The following IL20RA variants were observed in gnomAD, a reference collection of about 807,000 sequenced individuals.
The protein encoded by IL20RA is interleukin-20 receptor subunit alpha.
A neutral mutation model predicts 36.5 loss-of-function variants in IL20RA; 29 were observed. That is an observed-to-expected ratio of 0.79 (90% confidence interval 0.59 to 1.08). The LOEUF (loss-of-function observed/expected upper bound fraction) is 1.08, where lower values mean the gene tolerates loss of function less well. Among genes scored for constraint, IL20RA ranks in the 50% least tolerant of loss-of-function variants. The pLI is 0.00. For synonymous variants in IL20RA, 279 were observed against 267.1 expected, an observed-to-expected ratio of 1.04 and a Z score of -0.43; for missense variants, 652 against 668.4, an observed-to-expected ratio of 0.98 and a Z score of 0.27.
Position 137,001,357 on chromosome 6 carries a change from G to A in IL20RA, c.*201C>T. 2.2e-6 allele frequency: 1 copy of A among 461,178 alleles called. No homozygotes were observed. The highest frequency in any genetic ancestry group is 3.8e-6 in the Non-Finnish European group (1 of 265,126). 28.6% of individuals were successfully genotyped at this position (461,178 alleles called of 1,614,324 possible). ...AACCGGCCAGCCCCTGGACTCCAGA[G>A]GCCCACCATCATTGTTAAGAGACCT... On this transcript the variant is annotated 3_prime_UTR_variant, in exon 7 of 7. Transcript: ENST00000316649.
intron 1 of IL20RA, among the ~76,000 whole-genome samples, chr6:137,027,439 A>G (rs888047570): frequency 2.0e-5 from 3 of 152,006 alleles, no homozygotes; most frequent in Middle Eastern, 3.2e-3. Context: ...CCCTAACCCA[A>G]TGGTTGCTAG....
chr6:137,009,651 G>A (rs1775410188), intron 3 of IL20RA, among the ~76,000 whole-genome samples, 159 bp from the exon 4 acceptor site: 2 of 137,330 alleles, frequency 1.5e-5, no homozygotes, highest in African/African-American at 5.8e-5. Flanking sequence ...CCTCGCCTAG[G>A]CTGGAGTGCA....
chr6:137,010,722 CAAG>C (rs1176300573), intron 3 of IL20RA, among the ~76,000 whole-genome samples: 1 of 152,168 alleles, frequency 6.6e-6, no homozygotes, highest in East Asian at 1.9e-4. Flanking sequence ...CAAGTTCATA[CAAG>C]AAGAAGCATA....
chr6:137,037,118 G>C (rs145963223), intron 1 of IL20RA, among the ~76,000 whole-genome samples: 2 of 152,286 alleles, frequency 1.3e-5, no homozygotes, highest in East Asian at 1.9e-4. Flanking sequence ...GGGGTGAAAA[G>C]TATACATGGT....
intron 1 of IL20RA, among the ~76,000 whole-genome samples, chr6:137,025,730 G>T (rs1776062679): frequency 6.6e-6 from 1 of 152,200 alleles, no homozygotes; most frequent in African/African-American, 2.4e-5. Context: ...ATAGCAAAAT[G>T]GTTTGTGACC....
At chr6:137,036,269 C>T (rs1776490836) in intron 1 of IL20RA, among the ~76,000 whole-genome samples, 1 of 152,166 alleles carries the variant, frequency 6.6e-6, no homozygotes, top group South Asian at 2.1e-4. Context: ...AGATGCCAAG[C>T]CCATGGATCC....
At chr6:137,035,143 A>C (rs895889846) in intron 1 of IL20RA, among the ~76,000 whole-genome samples, 1 of 152,154 alleles carries the variant, frequency 6.6e-6, no homozygotes, top group African/African-American at 2.4e-5. Context: ...ATTGAATTAT[A>C]AATATTTTAT....
At position 137,044,662 on chromosome 6, in the gene IL20RA, C is replaced by G; in HGVS notation, c.67G>C (p.Ala23Pro). 9.0e-6 allele frequency: 11 copies of G among 1,224,432 alleles called. No homozygotes were observed. The highest frequency in any genetic ancestry group is 1.1e-5 in the Non-Finnish European group (11 of 982,964). 75.8% of individuals were successfully genotyped at this position (1,224,432 alleles called of 1,614,324 possible). A position where few individuals can be genotyped will look rare whatever the true frequency, so the allele number is the denominator to read the frequency against. ...PLPPLLLLLL[A>P]APWGRAVPCV... ...CTACCTGCCCGTCCCCAAGGCGCCG[C>G]CAGGAGCAACAGCAGCAGCGGCGGC... Residue 23 changes from alanine to proline, a missense_variant, in exon 1 of 7, where the codon GCG (alanine) becomes CCG (proline). Physicochemically the swap from Ala to Pro is conservative, Grantham distance 27. Transcript: ENST00000316649.
intron 1 of IL20RA, among the ~76,000 whole-genome samples, chr6:137,022,067 T>G (rs377533278): frequency 6.6e-6 from 1 of 152,098 alleles, no homozygotes; most frequent in East Asian, 1.9e-4. Flanking sequence ...GTAAACCAAG[T>G]AGAATTTAAG....
chr6:137,044,629 C>A lies in IL20RA; in HGVS notation c.88+12G>T, dbSNP rs1776834412. Reference sequence around the variant, plus strand: ...CATCCCCGACCCGCACCTGGCGGCGCGACCCACCTACCTGCCCGTCCCCAA... The same window carrying A: ...CATCCCCGACCCGCACCTGGCGGCGAGACCCACCTACCTGCCCGTCCCCAA... On this transcript the variant is annotated intron_variant, in intron 1 of 6. Transcript: ENST00000316649. 2 of 1,221,582 alleles carry A rather than the reference C, an allele frequency of 1.6e-6. No individual in the cohort carries two copies. The highest frequency in any genetic ancestry group is 6.5e-5 in the East Asian group (2 of 30,868). The allele number at this position is 1,221,582 out of a possible 1,614,324, so 75.7% of individuals were successfully genotyped here.
At chr6:137,008,490 C>G (rs1467217891) in intron 5 of IL20RA, 109 bp downstream of exon 5, 2 of 1,187,616 alleles carry the variant, frequency 1.7e-6, no homozygotes, top group Non-Finnish European at 2.3e-6. Context: ...TTTGCCTCAA[C>G]CTGTTTCTGT....
In IL20RA at chr6:137,008,685, A is replaced by C; in HGVS notation, c.638T>G (p.Leu213Arg). 6.2e-7 allele frequency: 1 copy of C among 1,608,498 alleles called. No individual in the cohort carries two copies. Among genetic ancestry groups the C allele is most frequent in the Non-Finnish European group, 8.5e-7 (1 of 1,177,496 alleles). ...LVLTWLEPNT[L>R]YCVHVESFVP... ...GAAGGACTCCACGTGTACGCAGTAA[A>C]GAGTGTTCGGCTCCAGCCAGGTGAG... is the stretch of plus-strand genomic sequence containing the variant. Residue 213 changes from leucine (L) to arginine (R), a missense_variant, in exon 5 of 7, where the codon CTT (leucine) becomes CGT (arginine). Transcript: ENST00000316649.
chr6:137,007,421 G>A (rs997812471), intron 5 of IL20RA, among the ~76,000 whole-genome samples: 2 of 152,234 alleles, frequency 1.3e-5, no homozygotes, highest in African/African-American at 4.8e-5. Context: ...AGGGGTTATG[G>A]ATTCCTATCC....
In IL20RA at chr6:137,000,930, A is replaced by C. The variant is rs1185182071; in HGVS notation, c.*628T>G. 1 of 152,216 alleles carries C rather than the reference A, an allele frequency of 6.6e-6. No homozygotes were observed. Among genetic ancestry groups the C allele is most frequent in the Admixed American group, 6.5e-5 (1 of 15,274 alleles). 9.4% of individuals were successfully genotyped at this position (152,216 alleles called of 1,614,324 possible). Reference sequence around the variant, plus strand: ...TACTCGTTTATGTTTACACTCCAGAACTACTCATAAAGTATTAAAGATGGC... The same window carrying C: ...TACTCGTTTATGTTTACACTCCAGACCTACTCATAAAGTATTAAAGATGGC... On this transcript the variant is annotated 3_prime_UTR_variant, in exon 7 of 7. Transcript: ENST00000316649.
intron 1 of IL20RA, among the ~76,000 whole-genome samples, chr6:137,028,925 G>C (rs1282608804): frequency 6.6e-6 from 1 of 152,102 alleles, no homozygotes; most frequent in Non-Finnish European, 1.5e-5. Flanking sequence ...TTCCCAGCCT[G>C]ATCACCCAAA....
chr6:137,044,357 G>A (rs1582847003), intron 1 of IL20RA: 1 of 982,088 alleles, frequency 1.0e-6, no homozygotes, highest in Non-Finnish European at 1.2e-6. Flanking sequence ...ACCCCCCACC[G>A]AACTCCCCCC....
chr6:137,004,174 T>TTTTTTTTTGAG (rs1775190766), intron 6 of IL20RA, among the ~76,000 whole-genome samples: 1 of 124,450 alleles, frequency 8.0e-6, no homozygotes, highest in Admixed American at 8.3e-5. Flanking sequence ...TTTTTTTTTT[T>TTTTTTTTTGAG]TTTTTTTTTT....
chr6:137,005,980 A>G (rs1361334777), intron 5 of IL20RA, among the ~76,000 whole-genome samples: 1 of 152,218 alleles, frequency 6.6e-6, no homozygotes, highest in African/African-American at 2.4e-5. Flanking sequence ...ATCTATATGT[A>G]TTCTATTGGT....
intron 1 of IL20RA, among the ~76,000 whole-genome samples, chr6:137,039,011 C>T (rs984115845): frequency 6.6e-6 from 1 of 151,984 alleles, no homozygotes; most frequent in Non-Finnish European, 1.5e-5. Context: ...AGCAATAATC[C>T]CACTTGCCTA....
Sources: allele counts gnomAD v4.1 joint callset (sites outside exome capture counted in the v4.1 genomes callset), GRCh38; gene constraint gnomAD v4.1.1; transcripts MANE v1.5; gene names NCBI Gene and HGNC (gene_info 2026-07-23, HGNC 2026-07-21).